Variants in PLEKHB1 observed in about 807,000 individuals in gnomAD.
PLEKHB1 encodes pleckstrin homology domain containing B1, also known as pleckstrin homology domain-containing family B member 1.
Under a neutral mutation model 36.2 loss-of-function variants are expected in PLEKHB1, and 29 were observed. The observed-to-expected ratio is 0.80, with a 90% CI of 0.60 to 1.09. PLEKHB1 has a LOEUF of 1.09. Among genes scored for constraint, PLEKHB1 ranks in the 50% least tolerant of loss-of-function variants. The probability of loss-of-function intolerance (pLI) is 0.00; values close to 1 mark genes in which losing one functional copy is unlikely to be tolerated. For synonymous variants in PLEKHB1, 138 were observed against 140.0 expected, an observed-to-expected ratio of 0.99 and a Z score of 0.10; for missense variants, 330 against 348.2, an observed-to-expected ratio of 0.95 and a Z score of 0.42.
At position 73,661,790 on chromosome 11, in the gene PLEKHB1, A is replaced by T. The variant is rs893864938; in HGVS notation, c.*188A>T. The T allele has an allele frequency of 1.9e-5, 13 of 687,320 alleles. No individual in the cohort carries two copies. The Admixed American group carries it at 4.1e-4, about 22-fold the overall frequency. 42.6% of individuals were successfully genotyped at this position (687,320 alleles called of 1,614,324 possible). A position where few individuals can be genotyped will look rare whatever the true frequency, so the allele number is the denominator to read the frequency against. On this transcript the variant is annotated 3_prime_UTR_variant, in exon 8 of 8. Transcript: ENST00000354190. This position sits in a 1 kb window ranked among gnomAD's most constrained non-coding sequence, Gnocchi z 4.6. The stretch of plus-strand genomic sequence containing the variant: ...CCACATGGGAAGAAGCTATCATCAC[A>T]GGTACAAACATCGCTTGAAGTCTTC...
chr11:73,654,019 T>C (rs958325236), intron 5 of PLEKHB1, among the ~76,000 whole-genome samples: 1 of 103,624 alleles, frequency 9.7e-6, no homozygotes, highest in Non-Finnish European at 2.1e-5. Context: ...AATTTTGTTG[T>C]AGAAAAAAGG....
intron 6 of PLEKHB1, 172 bp from the exon 7 acceptor site, chr11:73,660,581 T>G: frequency 3.2e-6 from 2 of 626,872 alleles, no homozygotes; most frequent in Non-Finnish European, 5.6e-6. Flanking sequence ...ACCGTGGACC[T>G]TGTGGGGAGG....
chr11:73,652,493 GC>G (rs1176023906), intron 4 of PLEKHB1: 6 of 161,106 alleles, frequency 3.7e-5, no homozygotes, highest in African/African-American at 1.4e-4. Flanking sequence ...GGGAAGCTGA[GC>G]TCCAGGCAGA....
chr11:73,661,722 C>A lies in PLEKHB1; in HGVS notation c.*120C>A. 1 of 1,307,178 alleles carries A rather than the reference C, an allele frequency of 7.7e-7. No homozygotes were observed. The allele number at this position is 1,307,178 out of a possible 1,614,324, so 81.0% of individuals were successfully genotyped here. A position where few individuals can be genotyped will look rare whatever the true frequency, so the allele number is the denominator to read the frequency against. Reference sequence around the variant, plus strand: ...TTGGCCCTATCCTCTCCATTAGCTCCTTCCGGGTTTGGACCATTCCCCCCA... The same window carrying A: ...TTGGCCCTATCCTCTCCATTAGCTCATTCCGGGTTTGGACCATTCCCCCCA... On this transcript the variant is annotated 3_prime_UTR_variant, in exon 8 of 8. Transcript: ENST00000354190. The surrounding 1 kb of genome is among the most constrained non-coding windows in gnomAD (Gnocchi z 4.6).
Position 73,651,803 on chromosome 11 carries a change from A to G in PLEKHB1, c.263A>G (p.Glu88Gly), listed in dbSNP as rs764034128. The G allele has an allele frequency of 1.2e-5, 20 of 1,613,592 alleles. No individual in the cohort carries two copies. The highest frequency in any genetic ancestry group is 1.7e-5 in the Non-Finnish European group (20 of 1,179,834). Reference sequence around the variant, plus strand: ...CTGCTTCCAGATGTGCAGCCCCCAGAGGGCCGGAGCCGAGATGGCCTGCTG... The same window carrying G: ...CTGCTTCCAGATGTGCAGCCCCCAGGGGGCCGGAGCCGAGATGGCCTGCTG... ...GPECHDVQPP[E>G]GRSRDGLLTV... The change falls in exon 4 of 8, where the codon GAG becomes GGG. Residue 88 changes from glutamate (E) to glycine (G), a missense_variant. Glu to Gly is a moderately conservative substitution (Grantham distance 98). Coordinates refer to ENST00000354190, the MANE Select transcript of PLEKHB1 (RefSeq NM_021200.3).
chr11:73,649,477 G>A (rs1046798219), intron 2 of PLEKHB1, among the ~76,000 whole-genome samples: 47 of 152,106 alleles, frequency 3.1e-4, no homozygotes, highest in African/African-American at 1.1e-3. Context: ...CCCAGTCTGC[G>A]AACTCCTCAA....
chr11:73,649,044 T>C lies in PLEKHB1; in HGVS notation c.51T>C (p.Phe17=), dbSNP rs753753316. 1.9e-6 allele frequency: 3 copies of C among 1,602,078 alleles called. No individual in the cohort carries two copies. In the East Asian group the frequency reaches 6.8e-5, roughly 36 times the overall value. ...VPPDSALESP[F]EEMALVRGGW... is the part of the protein sequence containing the mutation. ...CTGACTCCGCTCTGGAAAGTCCTTTTGAAGAAATGGCCCTGGTGAGGGGCG... is the reference window on the plus strand; with the variant it reads ...CTGACTCCGCTCTGGAAAGTCCTTTCGAAGAAATGGCCCTGGTGAGGGGCG... The change falls in exon 2 of 8, where the codon TTT becomes TTC. Residue 17 remains phenylalanine (F), a synonymous_variant. Transcript: ENST00000354190.
chr11:73,661,330 C>G lies in PLEKHB1; in HGVS notation c.596-136C>G. ...GGTGGAGCTCTTCCCGCGTCTAGAT[C>G]TGTTCTTTGACTGGGGAGCAGGAGA... On this transcript the variant is annotated intron_variant, in intron 7 of 7. Transcript: ENST00000354190. This position sits in a 1 kb window ranked among gnomAD's most constrained non-coding sequence, Gnocchi z 4.6. 1 of 989,378 alleles carries G rather than the reference C, an allele frequency of 1.0e-6. No homozygotes were observed. The highest frequency in any genetic ancestry group is 2.7e-5 in the East Asian group (1 of 37,456). The allele number at this position is 989,378 out of a possible 1,614,324, so 61.3% of individuals were successfully genotyped here.
Position 73,651,819 on chromosome 11 carries a change from T to G in PLEKHB1, c.279T>G (p.Asp93Glu), listed in dbSNP as rs753382464. ...DVQPPEGRSR[D>E]GLLTVNLREG... ...AGCCCCCAGAGGGCCGGAGCCGAGA[T>G]GGCCTGCTGACTGTGAACCTACGGG... Residue 93 changes from aspartate to glutamate, a missense_variant, in exon 4 of 8, where the codon GAT becomes GAG. By Grantham distance (45) the Asp-to-Glu change is conservative. Transcript: ENST00000354190. 1 of 1,613,718 alleles carries G rather than the reference T, an allele frequency of 6.2e-7. No individual in the cohort carries two copies. Among genetic ancestry groups the G allele is most frequent in the African/African-American group, 1.3e-5 (1 of 75,062 alleles).
In PLEKHB1 at chr11:73,661,174, T is replaced by A. The variant is rs966846465; in HGVS notation, c.596-292T>A. Among the ~76,000 whole-genome samples, 1 of 152,174 alleles carries A rather than the reference T, an allele frequency of 6.6e-6. No individual in the cohort carries two copies. The highest frequency in any genetic ancestry group is 1.5e-5 in the Non-Finnish European group (1 of 68,030). ...CGCTCTGGGGCCTGGCGGTTGGGAA[T>A]GCCCATCGTTAGGCGCCTGGTGGTT... On this transcript the variant is annotated intron_variant, in intron 7 of 7. Transcript: ENST00000354190. This position sits in a 1 kb window ranked among gnomAD's most constrained non-coding sequence, Gnocchi z 4.6.
chr11:73,661,490 T>G lies in PLEKHB1; in HGVS notation c.620T>G (p.Val207Gly). Residue 207 changes from valine to glycine, a missense_variant, in exon 8 of 8, where the codon GTG becomes GGG. Val to Gly is a moderately radical substitution (Grantham distance 109, BLOSUM62 -3). Coordinates refer to ENST00000354190, the MANE Select transcript of PLEKHB1 (RefSeq NM_021200.3). The surrounding 1 kb of genome is among the most constrained non-coding windows in gnomAD (Gnocchi z 4.6). Reference protein sequence around the residue: ...YAGPGVTHVIVREDPCYSAGA... With the variant: ...YAGPGVTHVIGREDPCYSAGA... The stretch of plus-strand genomic sequence containing the variant: ...GGCCCTGGCGTGACGCACGTGATAG[T>G]GCGGGAGGATCCCTGCTACAGCGCC... 1 of 1,613,814 alleles carries G rather than the reference T, an allele frequency of 6.2e-7. No homozygotes were observed. Among genetic ancestry groups the G allele is most frequent in the Non-Finnish European group, 8.5e-7 (1 of 1,179,782 alleles).
chr11:73,662,751 C>G lies in PLEKHB1; in HGVS notation c.*1149C>G, dbSNP rs1945152538. ...TAGCCAGACTAGCCCACTAAAGCTC[C>G]CCTGTAAATGGGGGCTCCATTAGTT... On this transcript the variant is annotated 3_prime_UTR_variant, in exon 8 of 8. Transcript: ENST00000354190. The G allele has an allele frequency of 6.6e-6, 1 of 152,208 alleles. No homozygotes were observed. The highest frequency in any genetic ancestry group is 1.5e-5 in the Non-Finnish European group (1 of 68,064). 9.4% of individuals were successfully genotyped at this position (152,208 alleles called of 1,614,324 possible).
At chr11:73,647,116 T>C (rs890538020) in intron 1 of PLEKHB1, among the ~76,000 whole-genome samples, 1 of 152,098 alleles carries the variant, frequency 6.6e-6, no homozygotes, top group African/African-American at 2.4e-5. Context: ...ATCCTGACAG[T>C]ATTCATAGGG....
intron 3 of PLEKHB1, 83 bp from the exon 4 acceptor site, chr11:73,651,705 C>G (rs1278096059): frequency 9.0e-7 from 1 of 1,116,166 alleles, no homozygotes; most frequent in Non-Finnish European, 1.3e-6. Context: ...CCAGAGAAGT[C>G]AATTCCTATT....
At chr11:73,658,002 A>G (rs1945027695) in intron 6 of PLEKHB1, among the ~76,000 whole-genome samples, 1 of 152,208 alleles carries the variant, frequency 6.6e-6, no homozygotes, top group Non-Finnish European at 1.5e-5. Context: ...AATTCAATAA[A>G]CATTTATTAG....
intron 6 of PLEKHB1, among the ~76,000 whole-genome samples, chr11:73,656,983 T>C (rs879338724): frequency 1.3e-5 from 2 of 152,286 alleles, no homozygotes; most frequent in Middle Eastern, 3.4e-3. Context: ...AAACCCCATC[T>C]CTACTAAAAG....
rs558817411 is a variant in PLEKHB1 at position 73,653,328 on chromosome 11, C to T, written c.390+314C>T. 1.1e-4 allele frequency: 66 copies of T among 609,946 alleles called. No individual in the cohort carries two copies. The East Asian group carries it at 1.9e-3, about 18-fold the overall frequency. The allele number at this position is 609,946 out of a possible 1,614,324, so 37.8% of individuals were successfully genotyped here. ...CAGGTATCATTCCAGCTGCTCCTCA[C>T]AACAGTCCTGTGAAGTTGGGGTTAT... On this transcript the variant is annotated intron_variant, in intron 5 of 7. Transcript: ENST00000354190.
chr11:73,648,947 G>A (rs1944825806), intron 1 of PLEKHB1, 65 bp from the exon 2 acceptor site: 1 of 1,544,902 alleles, frequency 6.5e-7, no homozygotes, highest in Non-Finnish European at 8.7e-7. Flanking sequence ...AGGGACGGCA[G>A]GGCTGGGGGC....
At chr11:73,654,600 C>A (rs1415515864) in intron 5 of PLEKHB1, among the ~76,000 whole-genome samples, 1 of 152,130 alleles carries the variant, frequency 6.6e-6, no homozygotes, top group East Asian at 1.9e-4. Flanking sequence ...AGTGGAAAAG[C>A]CTACCATGGA....
Sources: allele counts gnomAD v4.1 joint callset (sites outside exome capture counted in the v4.1 genomes callset), GRCh38; gene constraint gnomAD v4.1.1; non-coding constraint Gnocchi (gnomAD v3.1); transcripts MANE v1.5; gene names NCBI Gene and HGNC (gene_info 2026-07-23, HGNC 2026-07-21).